The following IL1RAPL1 variants were observed in gnomAD, a reference collection of about 807,000 sequenced individuals.
The protein encoded by IL1RAPL1 is interleukin-1 receptor accessory protein-like 1.
IL1RAPL1 carries 3 observed loss-of-function variants against 48.4 expected under a neutral mutation model. The observed-to-expected ratio is 0.06, with a 90% CI of 0.03 to 0.16. The LOEUF (loss-of-function observed/expected upper bound fraction) is 0.16, where lower values mean the gene tolerates loss of function less well. Ranked by LOEUF, IL1RAPL1 falls within the 10% of genes least tolerant of loss-of-function variation. The probability of loss-of-function intolerance (pLI) is 1.00; values close to 1 mark genes in which losing one functional copy is unlikely to be tolerated. For missense variants in IL1RAPL1, 349 were observed against 530.6 expected, an observed-to-expected ratio of 0.66 and a Z score of 3.36; for synonymous variants, 185 against 187.7, an observed-to-expected ratio of 0.99 and a Z score of 0.12.
chrX:29,518,765 C>T (rs1194421593), intron 5 of IL1RAPL1, among the ~76,000 whole-genome samples: 2 of 111,558 alleles, frequency 1.8e-5, no homozygotes, highest in Non-Finnish European at 1.9e-5. Context: ...CGCTGAGATG[C>T]GGAACCACTC....
At chrX:29,888,671 T>G (rs1481154258) in intron 6 of IL1RAPL1, among the ~76,000 whole-genome samples, 1 of 111,423 alleles carries the variant, frequency 9.0e-6, no homozygotes, top group East Asian at 2.8e-4. Context: ...GCATATCTTG[T>G]TGAAAAATTC....
intron 6 of IL1RAPL1, among the ~76,000 whole-genome samples, chrX:29,899,120 G>GGTGTGTGT (rs112187676): frequency 0.018 from 1,939 of 107,311 alleles, 16 homozygotes; most frequent in Non-Finnish European, 0.027. Flanking sequence ...TATTTATTAG[G>GGTGTGTGT]GTGTGTGTGT....
At chrX:29,427,102 T>TG (rs760261498) in intron 5 of IL1RAPL1, among the ~76,000 whole-genome samples, 2 of 111,444 alleles carry the variant, frequency 1.8e-5, no homozygotes, top group Non-Finnish European at 3.8e-5. Context: ...GTGTGGAACA[T>TG]GGGGGTGTTA....
At chrX:29,039,017 AT>A (rs1926786239) in intron 2 of IL1RAPL1, among the ~76,000 whole-genome samples, 1 of 112,021 alleles carries the variant, frequency 8.9e-6, no homozygotes, top group South Asian at 3.7e-4. Context: ...TCCACACCTA[AT>A]TTAACAGCAG....
At chrX:28,764,605 T>A (rs989566271) in intron 1 of IL1RAPL1, among the ~76,000 whole-genome samples, 1 of 107,831 alleles carries the variant, frequency 9.3e-6, no homozygotes, top group Non-Finnish European at 1.9e-5. Context: ...TGTGTACATA[T>A]TTGCATGATA....
intron 2 of IL1RAPL1, among the ~76,000 whole-genome samples, chrX:29,046,557 A>G (rs183389502): frequency 9.8e-5 from 11 of 112,068 alleles, no homozygotes; most frequent in Middle Eastern, 4.6e-3. Context: ...AAATAAGCCA[A>G]GTAACTTACC....
intron 3 of IL1RAPL1, among the ~76,000 whole-genome samples, chrX:29,351,559 C>T (rs1933230446): frequency 8.9e-6 from 1 of 112,155 alleles, no homozygotes; most frequent in African/African-American, 3.2e-5. Flanking sequence ...CATTTTCATG[C>T]CGAAAGGTTT....
At chrX:28,796,945 TC>T (rs771485103) in intron 2 of IL1RAPL1, among the ~76,000 whole-genome samples, 44 of 112,453 alleles carry the variant, frequency 3.9e-4, no homozygotes, top group African/African-American at 1.4e-3. Context: ...CCATACATTT[TC>T]TGAAATCTAG....
chrX:29,759,846 T>A (rs2147144844), intron 6 of IL1RAPL1, among the ~76,000 whole-genome samples: 1 of 111,955 alleles, frequency 8.9e-6, no homozygotes, highest in African/African-American at 3.2e-5. Flanking sequence ...ATTGAGACAA[T>A]GGTCTTTATA....
At chrX:28,816,186 T>C (rs1298970324) in intron 2 of IL1RAPL1, among the ~76,000 whole-genome samples, 1 of 109,104 alleles carries the variant, frequency 9.2e-6, no homozygotes, top group African/African-American at 3.3e-5. Context: ...CCCTGTCTTC[T>C]GGACAAAAGC....
chrX:29,227,730 A>G (rs1024508288), intron 2 of IL1RAPL1, among the ~76,000 whole-genome samples: 5 of 112,054 alleles, frequency 4.5e-5, no homozygotes, highest in Admixed American at 9.5e-5. Context: ...AGTCCTTCAT[A>G]CATTTGCAGC....
chrX:29,672,676 A>T (rs993211438), intron 6 of IL1RAPL1, among the ~76,000 whole-genome samples: 1 of 112,077 alleles, frequency 8.9e-6, no homozygotes, highest in Non-Finnish European at 1.9e-5. Context: ...TTCGTGATGT[A>T]CTGTGGGCAC....
chrX:29,121,672 C>T (rs976525985), intron 2 of IL1RAPL1, among the ~76,000 whole-genome samples: 4 of 111,854 alleles, frequency 3.6e-5, no homozygotes, highest in Non-Finnish European at 5.6e-5. Context: ...CCTTTAGGTC[C>T]TTAAGGACTC....
chrX:29,918,144 A>AAATAT (rs1555935868), intron 7 of IL1RAPL1, among the ~76,000 whole-genome samples: 47 of 23,739 alleles, frequency 2.0e-3, no homozygotes, highest in African/African-American at 3.4e-3. Context: ...AAAAAAAAAA[A>AAATAT]ATATATATAT....
At chrX:28,758,453 A>G (rs1936129078) in intron 1 of IL1RAPL1, among the ~76,000 whole-genome samples, 3 of 111,751 alleles carry the variant, frequency 2.7e-5, no homozygotes, top group African/African-American at 9.8e-5. Context: ...TTAGAGGTAA[A>G]TTAGAGGTGG....
At chrX:29,059,419 C>A (rs1266936054) in intron 2 of IL1RAPL1, among the ~76,000 whole-genome samples, 1 of 111,930 alleles carries the variant, frequency 8.9e-6, no homozygotes, top group Non-Finnish European at 1.9e-5. Context: ...AAGAAACTAT[C>A]ATTTCTACAA....
chrX:29,742,195 A>G (rs1601804156), intron 6 of IL1RAPL1, among the ~76,000 whole-genome samples: 1 of 111,389 alleles, frequency 9.0e-6, no homozygotes, highest in African/African-American at 3.3e-5. Flanking sequence ...GGGGAAGAGG[A>G]AAAACACATA....
At chrX:29,014,399 A>G (rs979878992) in intron 2 of IL1RAPL1, among the ~76,000 whole-genome samples, 1 of 111,158 alleles carries the variant, frequency 9.0e-6, no homozygotes, top group African/African-American at 3.3e-5. Flanking sequence ...GAAGTCCCCT[A>G]GGGTGTGTGT....
At chrX:29,229,734 C>T (rs1179092223) in intron 2 of IL1RAPL1, among the ~76,000 whole-genome samples, 2 of 112,332 alleles carry the variant, frequency 1.8e-5, no homozygotes, top group African/African-American at 6.5e-5. Context: ...CACAAAACAG[C>T]TCTGCTTGTT....
Sources: gnomAD v4.1 joint callset for allele counts (sites outside exome capture counted in the v4.1 genomes callset) on GRCh38, gnomAD v4.1.1 for gene constraint, MANE v1.5 for transcripts, NCBI Gene and HGNC (gene_info 2026-07-23, HGNC 2026-07-21) for gene names.